MACROD2: variants seen among roughly 807,000 people sequenced by gnomAD.
The protein encoded by MACROD2 is mono-ADP ribosylhydrolase 2, also known as ADP-ribose glycohydrolase MACROD2.
Under a neutral mutation model 70.4 loss-of-function variants are expected in MACROD2, and 36 were observed. The observed-to-expected ratio is 0.51, with a 90% CI of 0.39 to 0.68. MACROD2 has a LOEUF of 0.68. Among genes scored for constraint, MACROD2 ranks in the 30% least tolerant of loss-of-function variants. The probability of loss-of-function intolerance (pLI) is 0.00; values close to 1 mark genes in which losing one functional copy is unlikely to be tolerated. For missense variants in MACROD2, 496 were observed against 538.4 expected, an observed-to-expected ratio of 0.92 and a Z score of 0.78; for synonymous variants, 172 against 178.8, an observed-to-expected ratio of 0.96 and a Z score of 0.30.
chr20:14,903,429 A>C (rs1232378192), intron 5 of MACROD2, among the ~76,000 whole-genome samples: 1 of 152,194 alleles, frequency 6.6e-6, no homozygotes, highest in East Asian at 1.9e-4. Context: ...CATGACAGTT[A>C]ACCTTGGCTG....
intron 8 of MACROD2, among the ~76,000 whole-genome samples, chr20:15,702,238 CA>C (rs2050470923): frequency 6.6e-6 from 1 of 152,196 alleles, no homozygotes; most frequent in South Asian, 2.1e-4. Context: ...GAGAAATCTC[CA>C]ACTTGCTTTC....
intron 8 of MACROD2, among the ~76,000 whole-genome samples, chr20:15,777,306 G>A (rs983867077): frequency 6.6e-6 from 1 of 151,994 alleles, no homozygotes; most frequent in Non-Finnish European, 1.5e-5. Flanking sequence ...CTTCTGTTTA[G>A]TTTTATATAA....
chr20:14,676,278 C>T (rs2070860421), intron 4 of MACROD2, among the ~76,000 whole-genome samples: 1 of 151,254 alleles, frequency 6.6e-6, no homozygotes, highest in African/African-American at 2.4e-5. Flanking sequence ...CTTATTCTAA[C>T]ATACATCCAC....
At chr20:15,570,501 G>A (rs2048363557) in intron 8 of MACROD2, among the ~76,000 whole-genome samples, 1 of 152,132 alleles carries the variant, frequency 6.6e-6, no homozygotes, top group Non-Finnish European at 1.5e-5. Context: ...ATTCAAACCA[G>A]CTCAAGCAAG....
chr20:15,935,784 T>C (rs1334545376), intron 11 of MACROD2, among the ~76,000 whole-genome samples: 1 of 152,216 alleles, frequency 6.6e-6, no homozygotes, highest in African/African-American at 2.4e-5. Flanking sequence ...TTGAAATTTA[T>C]ATTCTGGTGG....
At chr20:15,209,913 G>A (rs1430051561) in intron 5 of MACROD2, among the ~76,000 whole-genome samples, 1 of 152,180 alleles carries the variant, frequency 6.6e-6, no homozygotes, top group African/African-American at 2.4e-5. Flanking sequence ...CTAATGCCAG[G>A]ATGGTTCTCC....
chr20:14,079,473 C>A (rs2053960995), intron 2 of MACROD2, among the ~76,000 whole-genome samples: 1 of 152,086 alleles, frequency 6.6e-6, no homozygotes, highest in Non-Finnish European at 1.5e-5. Flanking sequence ...TTTAAGGAGA[C>A]TTTTTTTCTG....
At chr20:15,309,535 A>G (rs1305496163) in intron 6 of MACROD2, among the ~76,000 whole-genome samples, 2 of 152,242 alleles carry the variant, frequency 1.3e-5, no homozygotes, top group African/African-American at 2.4e-5. Context: ...GTCTTCTTTT[A>G]GTGCCAGCAA....
chr20:14,646,040 A>G (rs939068842), intron 4 of MACROD2, among the ~76,000 whole-genome samples: 3 of 150,404 alleles, frequency 2.0e-5, no homozygotes, highest in Non-Finnish European at 4.4e-5. Context: ...TATTAAATAA[A>G]TAAGTTATAA....
chr20:15,527,491 A>G (rs1477079161), intron 8 of MACROD2, among the ~76,000 whole-genome samples: 1 of 152,208 alleles, frequency 6.6e-6, no homozygotes, highest in Non-Finnish European at 1.5e-5. Context: ...CAGTGGATTC[A>G]GGTAATTCTG....
At chr20:15,925,939 C>A (rs1395776405) in intron 10 of MACROD2, among the ~76,000 whole-genome samples, 1 of 152,154 alleles carries the variant, frequency 6.6e-6, no homozygotes, top group Non-Finnish European at 1.5e-5. Context: ...GGCATGGATG[C>A]AGCACTATTT....
chr20:15,276,412 AAAT>A (rs1324494447), intron 6 of MACROD2, among the ~76,000 whole-genome samples: 14,496 of 149,430 alleles, frequency 0.097, 1,258 homozygotes, highest in Non-Finnish European at 0.13. Context: ...AAAAATAAAA[AAAT>A]AAAAAAATCT....
At chr20:15,819,652 G>A (rs906823107) in intron 8 of MACROD2, among the ~76,000 whole-genome samples, 6 of 151,652 alleles carry the variant, frequency 4.0e-5, no homozygotes, top group Non-Finnish European at 8.8e-5. Context: ...TTTATGTTAA[G>A]CAAAATAGGC....
At chr20:14,139,549 AT>A (rs2054842567) in intron 3 of MACROD2, among the ~76,000 whole-genome samples, 1 of 152,252 alleles carries the variant, frequency 6.6e-6, no homozygotes, top group African/African-American at 2.4e-5. Context: ...ATTGTAAACA[AT>A]TTTTTAAGCT....
At chr20:15,286,406 T>C (rs1253625326) in intron 6 of MACROD2, among the ~76,000 whole-genome samples, 1 of 147,126 alleles carries the variant, frequency 6.8e-6, no homozygotes. Flanking sequence ...ATCATGTCTT[T>C]AGTCTGAAAA....
chr20:14,276,019 A>G (rs1267336397), intron 3 of MACROD2, among the ~76,000 whole-genome samples: 2 of 151,638 alleles, frequency 1.3e-5, no homozygotes, highest in Non-Finnish European at 3.0e-5. Flanking sequence ...ACACTTTTAC[A>G]CTGTTGGTGG....
chr20:15,234,039 T>TTTTTTG (rs2076990422), intron 6 of MACROD2, among the ~76,000 whole-genome samples: 2 of 46,890 alleles, frequency 4.3e-5, no homozygotes, highest in Non-Finnish European at 7.9e-5. Context: ...TTTTTTTTTT[T>TTTTTTG]TTTTTTTTTT....
chr20:15,126,111 CTTTTTTTTTT>C (rs5840654), intron 5 of MACROD2, among the ~76,000 whole-genome samples: 1 of 98,822 alleles, frequency 1.0e-5, no homozygotes, highest in Non-Finnish European at 2.0e-5. Context: ...ATTGTTTCAA[CTTTTTTTTTT>C]TTTTTTTTTT....
intron 3 of MACROD2, among the ~76,000 whole-genome samples, chr20:14,152,136 T>G (rs2055033323): frequency 6.6e-6 from 1 of 152,174 alleles, no homozygotes; most frequent in Admixed American, 6.5e-5. Flanking sequence ...TCTTGTATCT[T>G]AACACTCATT....
Sources: allele counts gnomAD v4.1 joint callset (sites outside exome capture counted in the v4.1 genomes callset), GRCh38; gene constraint gnomAD v4.1.1; transcripts MANE v1.5; gene names NCBI Gene and HGNC (gene_info 2026-07-23, HGNC 2026-07-21).